The following WASL variants were observed in gnomAD, a reference collection of about 807,000 sequenced individuals.
The protein encoded by WASL is actin nucleation-promoting factor WASL.
In WASL, 20 loss-of-function variants were observed where a neutral mutation model predicts 55.5. The ratio of observed to expected loss-of-function variants is 0.36; its 90% CI spans 0.25 to 0.52. The LOEUF (loss-of-function observed/expected upper bound fraction) is 0.52, where lower values mean the gene tolerates loss of function less well. Ranked by LOEUF, WASL falls within the 20% of genes least tolerant of loss-of-function variation. The probability of loss-of-function intolerance (pLI) is 0.92; values close to 1 mark genes in which losing one functional copy is unlikely to be tolerated. For synonymous variants in WASL, 249 were observed against 217.6 expected, an observed-to-expected ratio of 1.14 and a Z score of -1.27; for missense variants, 504 against 622.5, an observed-to-expected ratio of 0.81 and a Z score of 2.03.
intron 7 of WASL, 55 bp downstream of exon 7, chr7:123,695,768 G>A: frequency 6.4e-7 from 1 of 1,555,928 alleles, no homozygotes; most frequent in Non-Finnish European, 8.8e-7. Context: ...ATCTAAAATA[G>A]GCCAACACAT....
intron 1 of WASL, among the ~76,000 whole-genome samples, chr7:123,734,206 G>A (rs1462320976): frequency 2.0e-5 from 3 of 152,064 alleles, no homozygotes; most frequent in Non-Finnish European, 4.4e-5. Flanking sequence ...GCAAGCCACA[G>A]ACTCAGATAA....
rs1487969568 is a variant in WASL, at chr7:123,708,973, A to G, written c.252+116T>C. On this transcript the variant is annotated intron_variant, in intron 2 of 10. Coordinates refer to ENST00000223023, the MANE Select transcript of WASL (RefSeq NM_003941.4). Reference sequence around the variant, plus strand: ...AAAAACCAAGCTTCACTCTTCTAATATTAGTTTATGTATAAATTTAAATAT... The same window carrying G: ...AAAAACCAAGCTTCACTCTTCTAATGTTAGTTTATGTATAAATTTAAATAT... The G allele has an allele frequency of 2.1e-5, 21 of 993,586 alleles. No homozygotes were observed. The South Asian group carries it at 6.1e-4, about 29-fold the overall frequency. 61.5% of individuals were successfully genotyped at this position (993,586 alleles called of 1,614,324 possible). A position where few individuals can be genotyped will look rare whatever the true frequency, so the allele number is the denominator to read the frequency against.
intron 6 of WASL, 132 bp downstream of exon 6, chr7:123,696,427 ACTCCAATAAAGTACATAGTT>A: frequency 1.7e-6 from 1 of 601,522 alleles, no homozygotes; most frequent in Non-Finnish European, 2.4e-6. Context: ...AAAAAAAAAA[ACTCCAATAAAGTACATAGTT>A]AAAACGGTAT....
At chr7:123,699,211 G>A (rs1014911443) in intron 5 of WASL, among the ~76,000 whole-genome samples, 1 of 151,856 alleles carries the variant, frequency 6.6e-6, no homozygotes, top group Non-Finnish European at 1.5e-5. Flanking sequence ...TGGTGAAACC[G>A]CGCCTCTAAT....
At position 123,692,443 on chromosome 7, in the gene WASL, A is replaced by G. The variant is rs774108077; in HGVS notation, c.1251T>C (p.Ala417=). 10 of 1,613,996 alleles carry G rather than the reference A, an allele frequency of 6.2e-6. No individual in the cohort carries two copies. The highest frequency in any genetic ancestry group is 7.6e-6 in the Non-Finnish European group (9 of 1,180,004). The part of the protein sequence containing the change: ...AALLDQIREG[A]QLKKVEQNSR... ...TGTTCTGCTCCACTTTTTTTAGCTG[A>G]GCACCCTCTCTAATTTGATCTAAAA... Residue 417 remains alanine, a synonymous_variant, in exon 9 of 11, where the codon GCT becomes GCC. Coordinates refer to ENST00000223023, the MANE Select transcript of WASL (RefSeq NM_003941.4).
intron 1 of WASL, among the ~76,000 whole-genome samples, chr7:123,709,568 A>C (rs956714367): frequency 6.6e-6 from 1 of 152,166 alleles, no homozygotes; most frequent in Non-Finnish European, 1.5e-5. Context: ...CCGACACTAA[A>C]GGGGTTAATT....
chr7:123,696,676 G>C lies in WASL; in HGVS notation c.532C>G (p.Gln178Glu). Reference sequence around the variant, plus strand: ...TTGGTATGGGAGATGTTGTTGACTTGTGGACCATAAAATCTATTTGTTGTG... The same window carrying C: ...TTGGTATGGGAGATGTTGTTGACTTCTGGACCATAAAATCTATTTGTTGTG... The part of the protein sequence containing the change: ...EITTNRFYGP[Q>E]VNNISHTKEK... The change falls in exon 6 of 11, where the codon CAA becomes GAA. Residue 178 changes from glutamine to glutamate, a missense_variant. Coordinates refer to ENST00000223023, the MANE Select transcript of WASL (RefSeq NM_003941.4). The C allele has an allele frequency of 6.2e-7, 1 of 1,605,208 alleles. No homozygotes were observed. The highest frequency in any genetic ancestry group is 8.5e-7 in the Non-Finnish European group (1 of 1,175,502).
At chr7:123,742,525 T>C (rs906044779) in intron 1 of WASL, among the ~76,000 whole-genome samples, 5 of 152,090 alleles carry the variant, frequency 3.3e-5, no homozygotes, top group African/African-American at 1.2e-4. Context: ...TATTGGAAAA[T>C]AAGCAGTAAC....
At chr7:123,689,783 G>GA (rs67543108) in intron 9 of WASL, among the ~76,000 whole-genome samples, 67,833 of 148,722 alleles carry the variant, frequency 0.46, 15,518 homozygotes, top group South Asian at 0.66. Context: ...GTGCATTCAT[G>GA]AAAAAAAAAA....
chr7:123,722,847 T>C (rs973898376), intron 1 of WASL, among the ~76,000 whole-genome samples: 1 of 152,008 alleles, frequency 6.6e-6, no homozygotes, highest in African/African-American at 2.4e-5. Context: ...AAAGTATAAG[T>C]ACCAAAATGA....
intron 1 of WASL, among the ~76,000 whole-genome samples, chr7:123,718,484 A>C (rs561617039): frequency 6.6e-6 from 1 of 152,340 alleles, no homozygotes; most frequent in South Asian, 2.1e-4. Flanking sequence ...CAAAAACACT[A>C]AGATAGGTGG....
chr7:123,688,354 T>C (rs774557159), intron 10 of WASL, among the ~76,000 whole-genome samples: 8 of 152,014 alleles, frequency 5.3e-5, no homozygotes, highest in Non-Finnish European at 7.4e-5. Context: ...TTTATTATTA[T>C]TATTATTTAT....
chr7:123,691,482 T>C (rs73224178), intron 9 of WASL, among the ~76,000 whole-genome samples: 12 of 152,202 alleles, frequency 7.9e-5, no homozygotes, highest in African/African-American at 2.9e-4. Flanking sequence ...GTGAAAGTTA[T>C]ATAAAATTCA....
At chr7:123,742,106 A>C (rs1804352455) in intron 1 of WASL, among the ~76,000 whole-genome samples, 1 of 152,234 alleles carries the variant, frequency 6.6e-6, no homozygotes, top group African/African-American at 2.4e-5. Flanking sequence ...ACACTGTTCA[A>C]AAGGCCCAGT....
chr7:123,684,725 G>T, intron 10 of WASL, 145 bp from the exon 11 acceptor site: 2 of 711,634 alleles, frequency 2.8e-6, no homozygotes, highest in Non-Finnish European at 3.9e-6. Context: ...AGTTTAAAGT[G>T]AATCTAAAGA....
rs1400907984 is a variant in WASL, at chr7:123,700,825, T to A, written c.460+3809A>T. 2.0e-5 allele frequency among the ~76,000 whole-genome samples: 3 copies of A among 152,322 alleles called. No homozygotes were observed. The East Asian group carries it at 5.8e-4, about 29-fold the overall frequency. ...ATTTTACAAATGTCATAATACATTC[T>A]TTGTTTGCCAATTTTTCAGTTTTCT... On this transcript the variant is annotated intron_variant, in intron 5 of 10. Transcript: ENST00000223023.
At chr7:123,684,663 A>G in intron 10 of WASL, 83 bp from the exon 11 acceptor site, 1 of 1,288,556 alleles carries the variant, frequency 7.8e-7, no homozygotes, top group Non-Finnish European at 1.0e-6. Context: ...CCAATTATTT[A>G]ACTCCTGAAA....
At chr7:123,730,058 G>A (rs1270977234) in intron 1 of WASL, among the ~76,000 whole-genome samples, 1 of 152,078 alleles carries the variant, frequency 6.6e-6, no homozygotes, top group African/African-American at 2.4e-5. Context: ...AAAGAGTTGA[G>A]TGAAATATTT....
intron 1 of WASL, among the ~76,000 whole-genome samples, chr7:123,743,883 A>C (rs1168460171): frequency 3.3e-5 from 5 of 152,240 alleles, no homozygotes; most frequent in Non-Finnish European, 7.3e-5. Flanking sequence ...ACCCTGTTGG[A>C]CTTTTCTGAA....
Sources: allele counts gnomAD v4.1 joint callset (sites outside exome capture counted in the v4.1 genomes callset), GRCh38; gene constraint gnomAD v4.1.1; transcripts MANE v1.5; gene names NCBI Gene and HGNC (gene_info 2026-07-23, HGNC 2026-07-21).